Variants in CNTN5 observed in about 807,000 individuals in gnomAD.
CNTN5 encodes the protein contactin-5.
CNTN5 carries 77 observed loss-of-function variants against 129.1 expected under a neutral mutation model. That is an observed-to-expected ratio of 0.60 (90% CI 0.50 to 0.72). The LOEUF is 0.72. CNTN5 is among the 30% of genes least tolerant of loss of function. The probability of loss-of-function intolerance (pLI) is 0.00; values close to 1 mark genes in which losing one functional copy is unlikely to be tolerated. For missense variants in CNTN5, 1,478 were observed against 1,328.8 expected, an observed-to-expected ratio of 1.11 and a Z score of -1.75; for synonymous variants, 509 against 465.6, an observed-to-expected ratio of 1.09 and a Z score of -1.20.
At chr11:99,658,297 T>C (rs1477760378) in intron 3 of CNTN5, among the ~76,000 whole-genome samples, 1 of 152,098 alleles carries the variant, frequency 6.6e-6, no homozygotes, top group African/African-American at 2.4e-5. Context: ...AAATAATTGA[T>C]AATACAAAAT....
At chr11:100,224,095 C>G (rs1949321634) in intron 15 of CNTN5, among the ~76,000 whole-genome samples, 1 of 152,112 alleles carries the variant, frequency 6.6e-6, no homozygotes, top group Admixed American at 6.6e-5. Context: ...TGTAACTGCA[C>G]TGATTAACAA....
At position 99,358,263 on chromosome 11, in the gene CNTN5, T is replaced by TTTTTC. The variant is rs1463887411; in HGVS notation, c.-71+32783_-71+32784insCTTTT. 7.5e-5 allele frequency among the ~76,000 whole-genome samples: 8 copies of TTTTTC among 106,906 alleles called. 1 individual carries two copies. Among genetic ancestry groups the TTTTTC allele is most frequent in the African/African-American group, 2.7e-4 (8 of 29,494 alleles). The allele number at this position is 106,906 out of a possible 152,430, so 70.1% of individuals were successfully genotyped here. On this transcript the variant is annotated intron_variant, in intron 2 of 24. Coordinates refer to ENST00000524871, the MANE Select transcript of CNTN5 (RefSeq NM_014361.4). ...GCCACCACGCCCTGCTGATTTTTTT[T>TTTTTC]TTTTTTTTTTTTAGTAGAGATGGGG...
At chr11:99,874,678 A>G (rs903246173) in intron 6 of CNTN5, among the ~76,000 whole-genome samples, 2 of 152,230 alleles carry the variant, frequency 1.3e-5, no homozygotes, top group African/African-American at 2.4e-5. Flanking sequence ...GGTAGATGCC[A>G]TAAAGAAAAG....
chr11:99,022,624 CTAA>C (rs1862925006), intron 1 of CNTN5, among the ~76,000 whole-genome samples: 1 of 151,692 alleles, frequency 6.6e-6, no homozygotes, highest in East Asian at 1.9e-4. Flanking sequence ...TCATATAAAA[CTAA>C]TGATAACAAA....
intron 8 of CNTN5, among the ~76,000 whole-genome samples, chr11:99,996,521 T>C (rs1939453903): frequency 6.6e-6 from 1 of 152,196 alleles, no homozygotes; most frequent in African/African-American, 2.4e-5. Context: ...TTCCTATTTC[T>C]GGTCACTTCC....
chr11:100,102,520 T>G (rs1439851587), intron 13 of CNTN5, among the ~76,000 whole-genome samples: 1 of 151,938 alleles, frequency 6.6e-6, no homozygotes. Context: ...CGTGGGAGAA[T>G]GTCCTGAAAA....
intron 1 of CNTN5, among the ~76,000 whole-genome samples, chr11:99,268,570 T>A (rs1863018048): frequency 6.6e-6 from 1 of 151,946 alleles, no homozygotes; most frequent in South Asian, 2.1e-4. Context: ...CATTGCGTTT[T>A]AGGTAAAGAA....
rs183144211 is a variant in CNTN5, at chr11:99,121,433, G to A, written c.-210+100163G>A. On this transcript the variant is annotated intron_variant, in intron 1 of 24. Transcript: ENST00000524871. ...CAGGCATGAGCCACCACACCCAACC[G>A]GTTTTAGCTATTCTTTCATTCCCTG... 4.2e-3 allele frequency among the ~76,000 whole-genome samples: 636 copies of A among 152,096 alleles called. 2 individuals are homozygous for A. Among genetic ancestry groups the A allele is most frequent in the Middle Eastern group, 0.017 (5 of 294 alleles).
At chr11:99,904,497 T>C (rs575745506) in intron 6 of CNTN5, among the ~76,000 whole-genome samples, 1 of 117,766 alleles carries the variant, frequency 8.5e-6, no homozygotes, top group South Asian at 2.7e-4. Flanking sequence ...CTGCATAGTA[T>C]TCCATGGGGT....
At position 99,131,985 on chromosome 11, in the gene CNTN5, T is replaced by TGCAAAAATGAACATTG. The variant is rs1565342913; in HGVS notation, c.-210+110715_-210+110716insGCAAAAATGAACATTG. Among the ~76,000 whole-genome samples, 18 of 152,234 alleles carry TGCAAAAATGAACATTG rather than the reference T, an allele frequency of 1.2e-4. No individual in the cohort carries two copies. In the East Asian group the frequency reaches 1.9e-3, roughly 16 times the overall value. ...CAGGCCGACATCCCTGATGAACATT[T>TGCAAAAATGAACATTG]ATGCAAAAATCCTCAATAAAATAGG... is the stretch of plus-strand genomic sequence containing the variant. On this transcript the variant is annotated intron_variant, in intron 1 of 24. Coordinates refer to ENST00000524871, the MANE Select transcript of CNTN5 (RefSeq NM_014361.4).
At chr11:99,921,304 C>G (rs1326251372) in intron 7 of CNTN5, among the ~76,000 whole-genome samples, 1 of 152,156 alleles carries the variant, frequency 6.6e-6, no homozygotes, top group Non-Finnish European at 1.5e-5. Flanking sequence ...CTCCTACTCT[C>G]TTTCTTGTAG....
At chr11:99,392,251 AAT>A (rs1941301295) in intron 2 of CNTN5, among the ~76,000 whole-genome samples, 1 of 151,748 alleles carries the variant, frequency 6.6e-6, no homozygotes, top group Admixed American at 6.6e-5. Flanking sequence ...ACTCAACTAT[AAT>A]AGTTATTATA....
intron 2 of CNTN5, among the ~76,000 whole-genome samples, chr11:99,500,557 C>T (rs956208725): frequency 6.6e-6 from 1 of 151,692 alleles, no homozygotes; most frequent in African/African-American, 2.4e-5. Flanking sequence ...TCTCTCTATA[C>T]ATTCTGTGTG....
chr11:99,162,996 A>C (rs1464819993), intron 1 of CNTN5, among the ~76,000 whole-genome samples: 2 of 152,112 alleles, frequency 1.3e-5, no homozygotes, highest in Admixed American at 6.6e-5. Flanking sequence ...GATATGCGAC[A>C]CTCTGCTTTT....
Position 100,103,030 on chromosome 11 carries a change from C to T in CNTN5, c.1580+28736C>T, listed in dbSNP as rs185847426. On this transcript the variant is annotated intron_variant, in intron 13 of 24. Coordinates refer to ENST00000524871, the MANE Select transcript of CNTN5 (RefSeq NM_014361.4). ...GTCCGTGACCTTGTCTCTAAAATAA[C>T]GCACTTGGACTTCTAGCTCTAACTT... Among the ~76,000 whole-genome samples the T allele has an allele frequency of 1.6e-4, 25 of 152,264 alleles. No homozygotes were observed. In the East Asian group the frequency reaches 3.3e-3, roughly 20 times the overall value.
intron 1 of CNTN5, among the ~76,000 whole-genome samples, chr11:99,129,354 A>G (rs1466522580): frequency 6.6e-6 from 1 of 152,214 alleles, no homozygotes; most frequent in Non-Finnish European, 1.5e-5. Context: ...AGAGACTATC[A>G]CAGCTTGAAG....
At chr11:99,471,854 G>GA (rs1945189107) in intron 2 of CNTN5, among the ~76,000 whole-genome samples, 1 of 152,046 alleles carries the variant, frequency 6.6e-6, no homozygotes, top group African/African-American at 2.4e-5. Context: ...CAATCACTCA[G>GA]AAATTATATC....
intron 9 of CNTN5, among the ~76,000 whole-genome samples, chr11:100,059,893 C>A (rs1943391770): frequency 6.6e-6 from 1 of 152,040 alleles, no homozygotes; most frequent in South Asian, 2.1e-4. Flanking sequence ...TTATTTATAG[C>A]AGCATTGATT....
At chr11:99,941,401 A>C (rs965743357) in intron 7 of CNTN5, among the ~76,000 whole-genome samples, 2 of 152,020 alleles carry the variant, frequency 1.3e-5, no homozygotes, top group African/African-American at 4.8e-5. Context: ...GTCTGCATTT[A>C]TTTTATTTTT....
Sources: gnomAD v4.1 joint callset for allele counts (sites outside exome capture counted in the v4.1 genomes callset) on GRCh38, gnomAD v4.1.1 for gene constraint, MANE v1.5 for transcripts, NCBI Gene and HGNC (gene_info 2026-07-23, HGNC 2026-07-21) for gene names.